Variants in KCNN2 observed in about 807,000 individuals in gnomAD.
The protein encoded by KCNN2 is small conductance calcium-activated potassium channel protein 2.
In KCNN2, 24 loss-of-function variants were observed where a neutral mutation model predicts 55.5. The observed-to-expected ratio is 0.43, with a 90% CI of 0.31 to 0.61. The LOEUF (loss-of-function observed/expected upper bound fraction) is 0.61. Among genes scored for constraint, KCNN2 ranks in the 20% least tolerant of loss-of-function variants. The probability of loss-of-function intolerance (pLI) is 0.08; values close to 1 mark genes in which losing one functional copy is unlikely to be tolerated. For synonymous variants in KCNN2, 431 were observed against 336.1 expected, an observed-to-expected ratio of 1.28 and a Z score of -3.09; for missense variants, 754 against 853.6, an observed-to-expected ratio of 0.88 and a Z score of 1.45.
At chr5:114,192,921 C>T (rs1250393196) in intron 1 of KCNN2, among the ~76,000 whole-genome samples, 1 of 152,112 alleles carries the variant, frequency 6.6e-6, no homozygotes, top group Non-Finnish European at 1.5e-5. Context: ...TCTCTCTTCA[C>T]ATCTCTTTTT....
chr5:114,377,107 T>C (rs1757968643), intron 2 of KCNN2, among the ~76,000 whole-genome samples: 1 of 152,132 alleles, frequency 6.6e-6, no homozygotes, highest in Admixed American at 6.5e-5. Context: ...ATAAATTATC[T>C]CATTGACTTT....
chr5:114,245,433 C>T (rs951227193), intron 2 of KCNN2, among the ~76,000 whole-genome samples: 34 of 152,176 alleles, frequency 2.2e-4, no homozygotes, highest in African/African-American at 7.5e-4. Flanking sequence ...TTAATCTTTT[C>T]AAGACTGTTG....
intron 1 of KCNN2, among the ~76,000 whole-genome samples, chr5:114,126,067 A>G (rs1365318615): frequency 6.6e-6 from 1 of 152,024 alleles, no homozygotes; most frequent in Non-Finnish European, 1.5e-5. Flanking sequence ...CCAATCTTCC[A>G]TCTTTATGTG....
intron 3 of KCNN2, among the ~76,000 whole-genome samples, chr5:114,419,131 G>T (rs552931914): frequency 1.3e-5 from 2 of 152,324 alleles, no homozygotes; most frequent in East Asian, 3.9e-4. Context: ...ATAGCAGCAA[G>T]GATTAAGAAA....
chr5:114,449,911 CGCGCGCTCGCGT>C (rs1196859679), intron 3 of KCNN2, among the ~76,000 whole-genome samples: 1 of 29,490 alleles, frequency 3.4e-5, no homozygotes, highest in African/African-American at 4.9e-5. Context: ...CACACACACG[CGCGCGCTCGCGT>C]GCGCGCACTC....
At chr5:114,318,185 T>G (rs1008160996) in intron 2 of KCNN2, among the ~76,000 whole-genome samples, 10 of 152,214 alleles carry the variant, frequency 6.6e-5, no homozygotes, top group Non-Finnish European at 1.3e-4. Flanking sequence ...TAGTTTAGTT[T>G]CCTTTTTGCT....
At chr5:114,069,539 G>A (rs923587493) in intron 1 of KCNN2, among the ~76,000 whole-genome samples, 7 of 152,038 alleles carry the variant, frequency 4.6e-5, no homozygotes, top group African/African-American at 1.7e-4. Flanking sequence ...AGATTATAAG[G>A]TAACCTTATT....
chr5:114,093,937 G>A (rs1751202070), intron 1 of KCNN2, among the ~76,000 whole-genome samples: 1 of 152,084 alleles, frequency 6.6e-6, no homozygotes, highest in Admixed American at 6.6e-5. Context: ...TCAGTTTATA[G>A]GTGAAAAACT....
intron 2 of KCNN2, among the ~76,000 whole-genome samples, chr5:114,267,497 A>G (rs2150006677): frequency 6.6e-6 from 1 of 152,128 alleles, no homozygotes; most frequent in South Asian, 2.1e-4. Context: ...GGGAAAAATA[A>G]TTTCAACTCT....
At chr5:114,412,505 G>C (rs1748343477) in intron 3 of KCNN2, among the ~76,000 whole-genome samples, 1 of 152,024 alleles carries the variant, frequency 6.6e-6, no homozygotes, top group Non-Finnish European at 1.5e-5. Flanking sequence ...TTTTTTATCT[G>C]TTTATATAAC....
rs553020881 is a variant in KCNN2, at chr5:114,258,299, GT to G, written c.-185+36740del. Among the ~76,000 whole-genome samples, 532 of 152,250 alleles carry G rather than the reference GT, an allele frequency of 3.5e-3. 3 individuals carry two copies. The highest frequency in any genetic ancestry group is 0.012 in the African/African-American group (493 of 41,548). ...TGTTCTTCAGTGATATTACTCTGTA[GT>G]TTTTTACTTTTTAGTGTGTTCTTAC... On this transcript the variant is annotated intron_variant, in intron 2 of 10. Transcript: ENST00000512097.
intron 1 of KCNN2, among the ~76,000 whole-genome samples, chr5:114,138,738 G>T (rs1226875990): frequency 1.3e-5 from 2 of 152,144 alleles, no homozygotes; most frequent in Non-Finnish European, 2.9e-5. Context: ...CACATTCTCT[G>T]GGTGTGGGAC....
intron 3 of KCNN2, among the ~76,000 whole-genome samples, chr5:114,442,583 C>T (rs1760257874): frequency 6.6e-6 from 1 of 152,128 alleles, no homozygotes; most frequent in Non-Finnish European, 1.5e-5. Context: ...TCATGCAATA[C>T]ATCTCTATGA....
chr5:114,351,374 C>T (rs1289754919), intron 2 of KCNN2, among the ~76,000 whole-genome samples: 2 of 151,736 alleles, frequency 1.3e-5, no homozygotes, highest in Non-Finnish European at 3.0e-5. Context: ...TCTAGATCCA[C>T]AGTCATGTCC....
At chr5:114,108,768 G>T (rs999831066) in intron 1 of KCNN2, among the ~76,000 whole-genome samples, 2 of 151,990 alleles carry the variant, frequency 1.3e-5, no homozygotes, top group Non-Finnish European at 1.5e-5. Context: ...TATCAATTCT[G>T]CTATCAATTG....
chr5:114,140,793 A>G (rs1304180916), intron 1 of KCNN2, among the ~76,000 whole-genome samples: 1 of 146,036 alleles, frequency 6.8e-6, no homozygotes, highest in Non-Finnish European at 1.5e-5. Flanking sequence ...TATTATTATT[A>G]TTATTATTAT....
At chr5:114,056,189 CGG>C in exon 1 of KCNN2, 1 of 393,562 alleles carries the variant, frequency 2.5e-6, no homozygotes, top group Non-Finnish European at 4.5e-6. Context: ...GAGTGGGCAG[CGG>C]GGGCCTGGCT....
intron 1 of KCNN2, among the ~76,000 whole-genome samples, chr5:114,102,293 T>C (rs188555752): frequency 0.03 from 4,505 of 152,150 alleles, 237 homozygotes; most frequent in African/African-American, 0.1. Flanking sequence ...TGTTTTTTTT[T>C]TCTTGTGAAT....
At chr5:114,346,824 C>T (rs1757114118) in intron 2 of KCNN2, among the ~76,000 whole-genome samples, 1 of 149,302 alleles carries the variant, frequency 6.7e-6, no homozygotes, top group Non-Finnish European at 1.5e-5. Flanking sequence ...ACTCCAGGGG[C>T]TGGGACAGAA....
Sources: gnomAD v4.1 joint callset for allele counts (sites outside exome capture counted in the v4.1 genomes callset) on GRCh38, gnomAD v4.1.1 for gene constraint, MANE v1.5 for transcripts, NCBI Gene and HGNC (gene_info 2026-07-23, HGNC 2026-07-21) for gene names.